FSIP2: variants seen among roughly 807,000 people sequenced by gnomAD.
The protein encoded by FSIP2 is fibrous sheath interacting protein 2.
A neutral mutation model predicts 510.5 loss-of-function variants in FSIP2; 367 were observed. That is an observed-to-expected ratio of 0.72 (90% confidence interval 0.66 to 0.78). FSIP2 has a LOEUF of 0.78. FSIP2 is among the 30% of genes least tolerant of loss of function. The probability of loss-of-function intolerance (pLI) is 0.00; values close to 1 mark genes in which losing one functional copy is unlikely to be tolerated. For synonymous variants in FSIP2, 2,601 were observed against 2,732.2 expected (o/e 0.95, Z 1.50); for missense variants, 7,594 against 7,901.7 (o/e 0.96, Z 1.48).
chr2:185,738,398 A>ATTCC, upstream of FSIP2: 1 of 560,744 alleles, frequency 1.8e-6, no homozygotes, highest in East Asian at 3.2e-5. Flanking sequence ...CCCCTTAGGA[A>ATTCC]GCCAACGCGT....
At chr2:185,745,612 C>A in intron 5 of FSIP2, 44 bp downstream of exon 5, 2 of 1,471,626 alleles carry the variant, frequency 1.4e-6, no homozygotes, top group Non-Finnish European at 1.8e-6. Context: ...TGTTGTGGAC[C>A]CAAATAAGCT....
intron 19 of FSIP2, among the ~76,000 whole-genome samples, chr2:185,818,266 T>C (rs1693858742): frequency 6.6e-6 from 1 of 151,548 alleles, no homozygotes; most frequent in South Asian, 2.1e-4. Context: ...TCATTTGAAG[T>C]TGCCAAGTCT....
At chr2:185,756,764 C>CA (rs1223079760) in intron 9 of FSIP2, among the ~76,000 whole-genome samples, 1 of 151,140 alleles carries the variant, frequency 6.6e-6, no homozygotes, top group African/African-American at 2.4e-5. Flanking sequence ...AAAAATCCTC[C>CA]AAAAAATATT....
intron 3 of FSIP2, 150 bp downstream of exon 3, chr2:185,743,444 T>C (rs1171851906): frequency 4.7e-6 from 2 of 421,444 alleles, no homozygotes; most frequent in Non-Finnish European, 8.2e-6. Flanking sequence ...TTTCTCAGTA[T>C]TTGAATCAAG....
At chr2:185,764,175 T>C (rs1692413013) in intron 12 of FSIP2, among the ~76,000 whole-genome samples, 1 of 151,586 alleles carries the variant, frequency 6.6e-6, no homozygotes, top group African/African-American at 2.4e-5. Context: ...TTGCCATCCA[T>C]ATTAAATCTT....
Position 185,794,124 on chromosome 2 carries a change from T to G in FSIP2, c.6988T>G (p.Phe2330Val), listed in dbSNP as rs1693209606. The change falls in exon 16 of 23, where the codon TTT becomes GTT. Residue 2330 changes from phenylalanine (F) to valine (V), a missense_variant. Transcript: ENST00000424728. ...CAGCCAAGAGCTTACAGATTTCACTTTTGTTGGTCGCAGAGAAAAACTTGG... is the reference window on the plus strand; with the variant it reads ...CAGCCAAGAGCTTACAGATTTCACTGTTGTTGGTCGCAGAGAAAAACTTGG... The part of the protein sequence containing the change: ...ILSQELTDFT[F>V]VGRREKLGST... The G allele has an allele frequency of 6.5e-7, 1 of 1,532,216 alleles. No homozygotes were observed. The highest frequency in any genetic ancestry group is 1.4e-5 in the African/African-American group (1 of 72,932). The allele number at this position is 1,532,216 out of a possible 1,614,324, so 94.9% of individuals were successfully genotyped here.
intron 2 of FSIP2, among the ~76,000 whole-genome samples, chr2:185,741,848 A>T (rs1460038324): frequency 6.6e-6 from 1 of 152,188 alleles, no homozygotes; most frequent in Non-Finnish European, 1.5e-5. Flanking sequence ...TATGCAAAGC[A>T]TTCTCCTACC....
Position 185,794,369 on chromosome 2 carries a change from T to C in FSIP2, c.7233T>C (p.Phe2411=). The change falls in exon 16 of 23, where the codon TTT becomes TTC. Residue 2411 remains phenylalanine, a synonymous_variant. Coordinates refer to ENST00000424728, the MANE Select transcript of FSIP2 (RefSeq NM_173651.4). ...AAAGATCTGTAAAGGAAATTTGTTT[T>C]AATTCAAAAGAAAATTCTAACTTTT... ...DDKRSVKEIC[F]NSKENSNFSQ... The C allele has an allele frequency of 2.0e-6, 3 of 1,517,448 alleles. No individual in the cohort carries two copies. The highest frequency in any genetic ancestry group is 1.4e-5 in the African/African-American group (1 of 71,984). The allele number at this position is 1,517,448 out of a possible 1,614,324, so 94.0% of individuals were successfully genotyped here.
chr2:185,790,587 C>T lies in FSIP2; in HGVS notation c.3451C>T (p.Gln1151Ter). ...VSEKPQGLSH[Q>*]EWIDQMFSVS... ...AGAAAAGCCTCAAGGACTGTCACAT[C>T]AAGAATGGATAGACCAGATGTTTTC... The change falls in exon 16 of 23, where the codon CAA (glutamine) becomes TAA (stop). Residue 1151 changes from glutamine (Q) to a stop codon, truncating the protein, a stop_gained. Transcript: ENST00000424728. LOFTEE classifies it high-confidence loss of function. The T allele has an allele frequency of 6.5e-7, 1 of 1,533,890 alleles. No individual in the cohort carries two copies. The highest frequency in any genetic ancestry group is 8.7e-7 in the Non-Finnish European group (1 of 1,145,500).
At chr2:185,761,478 A>G (rs1383512510) in intron 10 of FSIP2, among the ~76,000 whole-genome samples, 1 of 151,266 alleles carries the variant, frequency 6.6e-6, no homozygotes, top group Admixed American at 6.6e-5. Context: ...AGAATAAGAC[A>G]TAATTGCTCC....
chr2:185,761,891 G>T, intron 10 of FSIP2, 81 bp from the exon 11 acceptor site: 1 of 711,134 alleles, frequency 1.4e-6, no homozygotes, highest in South Asian at 1.9e-5. Flanking sequence ...TGTATTCATT[G>T]GTTAATTGAT....
rs539000265 is a variant in FSIP2 at position 185,805,484 on chromosome 2, G to A, written c.16178G>A (p.Arg5393Lys). 1 of 1,611,692 alleles carries A rather than the reference G, an allele frequency of 6.2e-7. No homozygotes were observed. The highest frequency in any genetic ancestry group is 1.1e-5 in the South Asian group (1 of 91,000). The change falls in exon 17 of 23, where the codon AGG becomes AAG. Residue 5393 changes from arginine (R) to lysine (K), a missense_variant. Physicochemically the swap from Arg to Lys is conservative, Grantham distance 26 (BLOSUM62 2). Coordinates refer to ENST00000424728, the MANE Select transcript of FSIP2 (RefSeq NM_173651.4). ...ALTQKAISAF[R>K]IQPLFSGDWS... is the part of the protein sequence containing the mutation. ...ACCCAGAAGGCAATATCTGCATTCA[G>A]GATTCAACCACTTTTTTCAGGAGAC...
intron 16 of FSIP2, among the ~76,000 whole-genome samples, chr2:185,798,667 G>C (rs1693355408): frequency 6.6e-6 from 1 of 151,724 alleles, no homozygotes; most frequent in Admixed American, 6.6e-5. Context: ...TCCCAAGATG[G>C]ACGGTAATGT....
chr2:185,821,130 T>C (rs899679837), intron 19 of FSIP2, among the ~76,000 whole-genome samples: 15 of 150,398 alleles, frequency 1.0e-4, no homozygotes, highest in Non-Finnish European at 1.8e-4. Flanking sequence ...AGCAACTGAG[T>C]TTATAGAAAT....
At chr2:185,778,310 T>C (rs1316882255) in intron 13 of FSIP2, among the ~76,000 whole-genome samples, 3 of 151,980 alleles carry the variant, frequency 2.0e-5, no homozygotes, top group Admixed American at 6.5e-5. Context: ...ATAAGTATAA[T>C]AGTAGTAATA....
Position 185,791,994 on chromosome 2 carries a change from G to T in FSIP2, c.4858G>T (p.Glu1620Ter). The T allele has an allele frequency of 6.5e-7, 1 of 1,533,828 alleles. No individual in the cohort carries two copies. The highest frequency in any genetic ancestry group is 8.7e-7 in the Non-Finnish European group (1 of 1,145,344). The change falls in exon 16 of 23, where the codon GAA becomes TAA. Residue 1620 changes from glutamate to a stop codon, truncating the protein, a stop_gained. Transcript: ENST00000424728. LOFTEE classifies it high-confidence loss of function. ...TAAGAAAAGCAATAAGATAGGCTGG[G>T]AATATGAAAGCACCAATATTTCCAG... is the stretch of plus-strand genomic sequence containing the variant. The part of the protein sequence containing the change: ...GNKKSNKIGW[E>*]YESTNISRDT...
rs537076867 is a variant in FSIP2, at chr2:185,831,838, A to G, written c.20543A>G (p.Lys6848Arg). The G allele has an allele frequency of 2.4e-5, 39 of 1,609,810 alleles. No homozygotes were observed. The highest frequency in any genetic ancestry group is 8.4e-5 in the Admixed American group (5 of 59,764). ...VKFITIFERS[K>R]DVLGSANPSK... ...TTTATCACCATCTTTGAAAGATCCA[A>G]GGATGTTCTTGGCAGTGCAAATCCC... The change falls in exon 22 of 23, where the codon AAG becomes AGG. Residue 6848 changes from lysine to arginine, a missense_variant. Physicochemically the swap from Lys to Arg is conservative, Grantham distance 26. Coordinates refer to ENST00000424728, the MANE Select transcript of FSIP2 (RefSeq NM_173651.4).
chr2:185,807,340 T>G lies in FSIP2; in HGVS notation c.18034T>G (p.Phe6012Val). The change falls in exon 17 of 23, where the codon TTT becomes GTT. Residue 6012 changes from phenylalanine to valine, a missense_variant. Physicochemically the swap from Phe to Val is conservative, Grantham distance 50. Coordinates refer to ENST00000424728, the MANE Select transcript of FSIP2 (RefSeq NM_173651.4). ...SPYTIILPHK[F>V]LENVISALFS... ...ATATACAATAATATTACCTCATAAA[T>G]TTTTGGAGAATGTGATTTCTGCTCT... 1.2e-6 allele frequency: 2 copies of G among 1,610,930 alleles called. No individual in the cohort carries two copies. The highest frequency in any genetic ancestry group is 1.7e-6 in the Non-Finnish European group (2 of 1,178,848).
chr2:185,821,784 G>A (rs1574207769), intron 19 of FSIP2, among the ~76,000 whole-genome samples: 1 of 151,856 alleles, frequency 6.6e-6, no homozygotes, highest in East Asian at 2.0e-4. Context: ...AAAATAGCCA[G>A]ACATGGTGGT....
Sources: gnomAD v4.1 joint callset for allele counts (sites outside exome capture counted in the v4.1 genomes callset) on GRCh38, gnomAD v4.1.1 for gene constraint, MANE v1.5 for transcripts, NCBI Gene and HGNC (gene_info 2026-07-23, HGNC 2026-07-21) for gene names.